The following SGSH variants were observed in gnomAD, a reference collection of about 807,000 sequenced individuals.
SGSH encodes N-sulfoglucosamine sulfohydrolase, also known as heparan sulfate sulfatase.
SGSH carries 48 observed loss-of-function variants against 51.0 expected under a neutral mutation model. The ratio of observed to expected loss-of-function variants is 0.94; its 90% CI spans 0.75 to 1.20. The LOEUF (loss-of-function observed/expected upper bound fraction) is 1.20. Ranked by LOEUF, SGSH falls within the 50% of genes most tolerant of loss-of-function variation. The pLI, the probability that SGSH is intolerant of heterozygous loss-of-function variation, is 0.00. For missense variants in SGSH, 662 were observed against 717.8 expected (o/e 0.92, Z 0.89); for synonymous variants, 321 against 313.4 (o/e 1.02, Z -0.26).
chr17:80,207,098 T>G (rs1251828362), downstream of SGSH: 1 of 1,597,536 alleles, frequency 6.3e-7, no homozygotes, highest in Non-Finnish European at 8.6e-7. Context: ...AGGTGCACGC[T>G]GGGGGCTGGG....
downstream of SGSH, chr17:80,202,330 TC>T: frequency 1.2e-6 from 2 of 1,613,590 alleles, no homozygotes; most frequent in Non-Finnish European, 1.7e-6. Context: ...GACACCATGT[TC>T]CAGGGCTGCG....
At position 80,212,311 on chromosome 17, in the gene SGSH, G is replaced by A. The variant is rs1343999623; in HGVS notation, c.746-37C>T. ...GGCCGAGAAGCAGAGCTCAGCCGCA[G>A]ACACGGAGGGAGGCAGCGGGTGGTG... is the stretch of plus-strand genomic sequence containing the variant. On this transcript the variant is annotated intron_variant, in intron 6 of 7. Transcript: ENST00000326317. The surrounding 1 kb of genome is among the most constrained non-coding windows in gnomAD (Gnocchi z 5.9). The A allele has an allele frequency of 6.5e-6, 10 of 1,547,340 alleles. No individual in the cohort carries two copies. Among genetic ancestry groups the A allele is most frequent in the East Asian group, 2.4e-5 (1 of 42,094 alleles).
rs1598738043 is a variant in SGSH, at chr17:80,210,740, G to C, written c.1221C>G (p.Thr407=). ...TGGTGCGGTTCAGGAGGTCCTGGAA[G>C]GTGGGTGAGACGTAGAAGTCCTGGT... ...PIDQDFYVSP[T]FQDLLNRTTA... is the part of the protein sequence containing the mutation. The change falls in exon 8 of 8, where the codon ACC becomes ACG. Residue 407 remains threonine (T), a synonymous_variant. Transcript: ENST00000326317. 1 of 1,614,094 alleles carries C rather than the reference G, an allele frequency of 6.2e-7. No individual in the cohort carries two copies. The highest frequency in any genetic ancestry group is 2.2e-5 in the East Asian group (1 of 44,892).
intron 7 of SGSH, 199 bp from the exon 8 acceptor site, chr17:80,211,210 C>T: frequency 1.4e-6 from 2 of 1,427,230 alleles, no homozygotes; most frequent in South Asian, 2.9e-5. Flanking sequence ...AACAAGAGGC[C>T]CTGATTCGGT....
rs1327249092 is a variant in SGSH at position 80,210,005 on chromosome 17, C to T, written c.*447G>A. ...GCGTACTGCCCACGCGGCACCGAAG[C>T]CCCTGCCTGCTCTCTGTGAAGGGTT... is the stretch of plus-strand genomic sequence containing the variant. On this transcript the variant is annotated 3_prime_UTR_variant, in exon 8 of 8. Coordinates refer to ENST00000326317, the MANE Select transcript of SGSH (RefSeq NM_000199.5). 1 of 1,042,256 alleles carries T rather than the reference C, an allele frequency of 9.6e-7. No individual in the cohort carries two copies. Among genetic ancestry groups the T allele is most frequent in the Admixed American group, 5.0e-5 (1 of 20,118 alleles). 64.6% of individuals were successfully genotyped at this position (1,042,256 alleles called of 1,614,324 possible). A position where few individuals can be genotyped will look rare whatever the true frequency, so the allele number is the denominator to read the frequency against.
In SGSH at chr17:80,220,295, C is replaced by A. The variant is rs548145029; in HGVS notation, c.19G>T (p.Ala7Ser). The A allele has an allele frequency of 3.3e-6, 5 of 1,517,432 alleles. No individual in the cohort carries two copies. Among genetic ancestry groups the A allele is most frequent in the African/African-American group, 1.4e-5 (1 of 70,686 alleles). The allele number at this position is 1,517,432 out of a possible 1,614,324, so 94.0% of individuals were successfully genotyped here. The change falls in exon 1 of 8, where the codon GCC becomes TCC. Residue 7 changes from alanine (A) to serine (S), a missense_variant. Coordinates refer to ENST00000326317, the MANE Select transcript of SGSH (RefSeq NM_000199.5). MSCPVP[A>S]CCALLLVLGL... ...AGGACTAGCAGCAGCGCGCAGCAGG[C>A]GGGCACGGGGCAGCTCATGGCGGCG...
At chr17:80,217,320 T>G in intron 1 of SGSH, 128 bp from the exon 2 acceptor site, 3 of 1,078,496 alleles carry the variant, frequency 2.8e-6, no homozygotes, top group Non-Finnish European at 4.1e-6. Context: ...ACTGGCTCAG[T>G]GTGAACACTC....
chr17:80,204,722 C>T, downstream of SGSH: 1 of 414,544 alleles, frequency 2.4e-6, no homozygotes, highest in African/African-American at 2.0e-5. Flanking sequence ...GCCACTCTCC[C>T]AGATCCTTTG....
chr17:80,219,185 A>G (rs2144811404), intron 1 of SGSH, among the ~76,000 whole-genome samples: 1 of 150,470 alleles, frequency 6.6e-6, no homozygotes, highest in East Asian at 1.9e-4. Flanking sequence ...AAAAAAAAAA[A>G]AGGAAAGAAA....
chr17:80,207,063 G>C (rs1567907237), downstream of SGSH: 2 of 1,613,804 alleles, frequency 1.2e-6, no homozygotes, highest in Admixed American at 1.7e-5. Flanking sequence ...CTCTGTCAAC[G>C]AGAAGATGGC....
At chr17:80,215,285 T>A (rs2041848840) in intron 2 of SGSH, 147 bp from the exon 3 acceptor site, 1 of 688,090 alleles carries the variant, frequency 1.5e-6, no homozygotes, top group Non-Finnish European at 2.6e-6. Flanking sequence ...AGACACTGGC[T>A]GTACCTCCCA....
rs1048346583 is a variant in SGSH, at chr17:80,211,305, G to A, written c.950-294C>T. ...TCGTGTACTCCAGCCCCTGTGGTGG[G>A]TGTGGCCACAGTGCTCCTGGCTCAT... is the stretch of plus-strand genomic sequence containing the variant. On this transcript the variant is annotated intron_variant, in intron 7 of 7. Transcript: ENST00000326317. 3.4e-5 allele frequency: 22 copies of A among 654,720 alleles called. No homozygotes were observed. In the Admixed American group the frequency reaches 7.4e-4, roughly 22 times the overall value. The allele number at this position is 654,720 out of a possible 1,614,324, so 40.6% of individuals were successfully genotyped here.
At chr17:80,206,536 CG>C (rs2041321200), downstream of SGSH, among the ~76,000 whole-genome samples, 1 of 152,206 alleles carries the variant, frequency 6.6e-6, no homozygotes, top group African/African-American at 2.4e-5. Context: ...GAGGCCGAGG[CG>C]GGCAGATCAC....
At chr17:80,219,863 T>C (rs932575061) in intron 1 of SGSH, 11 of 223,702 alleles carry the variant, frequency 4.9e-5, no homozygotes, top group African/African-American at 2.5e-4. Context: ...GCACCCTGTC[T>C]GCAGTCTCTG....
In SGSH at chr17:80,212,329, GGGT is replaced by G. The variant is rs2041702142; in HGVS notation, c.746-58_746-56del. On this transcript the variant is annotated intron_variant, in intron 6 of 7. Transcript: ENST00000326317. The surrounding 1 kb of genome is among the most constrained non-coding windows in gnomAD (Gnocchi z 5.9). ...AGCCGCAGACACGGAGGGAGGCAGC[GGGT>G]GGTGTGTGTAGACCCACCTGCTGCT... 1.1e-5 allele frequency: 16 copies of G among 1,491,454 alleles called. No individual in the cohort carries two copies. The highest frequency in any genetic ancestry group is 1.8e-4 in the Middle Eastern group (1 of 5,578). 92.4% of individuals were successfully genotyped at this position (1,491,454 alleles called of 1,614,324 possible). A position where few individuals can be genotyped will look rare whatever the true frequency, so the allele number is the denominator to read the frequency against.
intron 1 of SGSH, chr17:80,219,946 C>T (rs2042077604): frequency 2.7e-6 from 1 of 367,334 alleles, no homozygotes. Context: ...CCCCTGAGCC[C>T]TGGCTGGGCA....
rs1188794174 is a variant in SGSH, at chr17:80,215,162, C to G, written c.250-24G>C. The G allele has an allele frequency of 5.7e-6, 9 of 1,577,238 alleles. No individual in the cohort carries two copies. The East Asian group carries it at 2.0e-4, about 36-fold the overall frequency. ...TGCTGCCAGCAAAGGCGCATGAGGT[C>G]CGGGGCCCCCGGACAGCCAGAGCCC... On this transcript the variant is annotated intron_variant, in intron 2 of 7. Transcript: ENST00000326317.
intron 7 of SGSH, 107 bp from the exon 8 acceptor site, chr17:80,211,118 A>G: frequency 1.3e-6 from 2 of 1,538,970 alleles, no homozygotes; most frequent in Non-Finnish European, 1.7e-6. Context: ...CTCCAATCCA[A>G]TCAGCAGCGG....
Position 80,215,079 on chromosome 17 carries a change from C to T in SGSH, c.309G>A (p.Lys103=), listed in dbSNP as rs751641089. The part of the protein sequence containing the change: ...QDVHHFNSFD[K]VRSLPLLLSQ... ...TGAGCAGCAGCGGCAGGCTCCGCAC[C>T]TTGTCGAAGGAGTTGAAGTGGTGCA... Residue 103 remains lysine, a synonymous_variant, in exon 3 of 8, where the codon AAG becomes AAA. Transcript: ENST00000326317. 5.6e-6 allele frequency: 9 copies of T among 1,612,376 alleles called. No homozygotes were observed. The highest frequency in any genetic ancestry group is 1.7e-5 in the Admixed American group (1 of 60,022).
Sources: gnomAD v4.1 joint callset for allele counts (sites outside exome capture counted in the v4.1 genomes callset) on GRCh38, gnomAD v4.1.1 for gene constraint, Gnocchi (gnomAD v3.1) non-coding constraint, MANE v1.5 for transcripts, NCBI Gene and HGNC (gene_info 2026-07-23, HGNC 2026-07-21) for gene names.